Variants in EXOC4 observed in about 807,000 individuals in gnomAD.
EXOC4 encodes exocyst complex component 4, also known as SEC8-like 1.
EXOC4 carries 71 observed loss-of-function variants against 107.2 expected under a neutral mutation model. That is an observed-to-expected ratio of 0.66 (90% CI 0.55 to 0.81). The LOEUF (loss-of-function observed/expected upper bound fraction) is 0.81. EXOC4 is among the 30% of genes least tolerant of loss of function. EXOC4 has a pLI of 0.00. For missense variants in EXOC4, 1,108 were observed against 1,189.6 expected (o/e 0.93, Z 1.01); for synonymous variants, 456 against 441.2 (o/e 1.03, Z -0.42).
At chr7:133,422,065 A>C (rs1192925879) in intron 7 of EXOC4, among the ~76,000 whole-genome samples, 1 of 152,194 alleles carries the variant, frequency 6.6e-6, no homozygotes, top group Admixed American at 6.5e-5. Flanking sequence ...AAGGTGATTA[A>C]AAATTTCATT....
intron 17 of EXOC4, among the ~76,000 whole-genome samples, chr7:134,023,240 G>A (rs574043839): frequency 8.5e-5 from 13 of 152,188 alleles, no homozygotes; most frequent in Non-Finnish European, 1.5e-4. Context: ...TATATATTTT[G>A]CTGTATTCTG....
intron 10 of EXOC4, among the ~76,000 whole-genome samples, chr7:133,739,341 T>C (rs570076975): frequency 6.6e-6 from 1 of 152,142 alleles, no homozygotes; most frequent in Non-Finnish European, 1.5e-5. Context: ...AAGATTTTTG[T>C]CTTCTCAACT....
chr7:133,325,079 C>G (rs1034351241), intron 5 of EXOC4, among the ~76,000 whole-genome samples: 8 of 152,300 alleles, frequency 5.3e-5, no homozygotes, highest in Non-Finnish European at 7.4e-5. Flanking sequence ...TTTCCTCCAT[C>G]CCTCTATTTT....
At chr7:133,500,780 T>G (rs1799560740) in intron 9 of EXOC4, among the ~76,000 whole-genome samples, 1 of 152,224 alleles carries the variant, frequency 6.6e-6, no homozygotes, top group South Asian at 2.1e-4. Flanking sequence ...GTCAGTTCTT[T>G]TAATTTTAGA....
chr7:133,423,802 A>G (rs2150763341), intron 7 of EXOC4, among the ~76,000 whole-genome samples: 1 of 151,962 alleles, frequency 6.6e-6, no homozygotes, highest in South Asian at 2.1e-4. Flanking sequence ...CCGGCACGGG[A>G]TCTGGGTGGG....
chr7:133,904,682 A>T (rs113003626), intron 12 of EXOC4, among the ~76,000 whole-genome samples: 1 of 152,204 alleles, frequency 6.6e-6, no homozygotes, highest in African/African-American at 2.4e-5. Flanking sequence ...GGATTGGGAA[A>T]AGTATTCTTT....
intron 9 of EXOC4, among the ~76,000 whole-genome samples, chr7:133,488,013 G>T (rs893415464): frequency 1.3e-5 from 2 of 151,966 alleles, no homozygotes; most frequent in Admixed American, 6.6e-5. Flanking sequence ...TATGGCATAT[G>T]GTAAAGAAAG....
chr7:133,408,151 A>C (rs1563054509), intron 7 of EXOC4, among the ~76,000 whole-genome samples: 3 of 149,476 alleles, frequency 2.0e-5, no homozygotes, highest in Middle Eastern at 6.9e-3. Flanking sequence ...TGGTGCTGGT[A>C]GTGGAGGAGG....
rs1344735460 is a variant in EXOC4 at position 133,538,957 on chromosome 7, G to GT, written c.1417+58819_1417+58820insT. ...TACACTTAGCTCTGTGAAATAGCTT[G>GT]GGTTTTTTTTTTCTTAGTCTTCTTT... On this transcript the variant is annotated intron_variant, in intron 9 of 17. Coordinates refer to ENST00000253861, the MANE Select transcript of EXOC4 (RefSeq NM_021807.4). 9.2e-4 allele frequency among the ~76,000 whole-genome samples: 3 copies of GT among 3,248 alleles called. No homozygotes were observed. The East Asian group carries it at 0.068, about 74-fold the overall frequency. The allele number at this position is 3,248 out of a possible 152,430, so 2.1% of individuals were successfully genotyped here.
chr7:133,668,264 G>A (rs1333463706), intron 10 of EXOC4, among the ~76,000 whole-genome samples: 1 of 152,194 alleles, frequency 6.6e-6, no homozygotes, highest in African/African-American at 2.4e-5. Context: ...TTCCAGAAAT[G>A]TAAGTCCAAT....
chr7:134,052,112 T>C (rs1339728700), intron 17 of EXOC4, among the ~76,000 whole-genome samples: 1 of 152,210 alleles, frequency 6.6e-6, no homozygotes, highest in African/African-American at 2.4e-5. Flanking sequence ...GACGACCCTT[T>C]TCATAGACAC....
intron 4 of EXOC4, among the ~76,000 whole-genome samples, chr7:133,309,810 C>T (rs950555157): frequency 1.1e-4 from 16 of 151,988 alleles, no homozygotes; most frequent in African/African-American, 3.4e-4. Flanking sequence ...CATGGTGGTA[C>T]GTGCCTGTAG....
intron 17 of EXOC4, among the ~76,000 whole-genome samples, chr7:134,056,488 GC>G (rs1393230448): frequency 6.6e-6 from 1 of 152,172 alleles, no homozygotes; most frequent in East Asian, 1.9e-4. Context: ...ACAGAAATGT[GC>G]CTGATCAATA....
intron 10 of EXOC4, among the ~76,000 whole-genome samples, chr7:133,816,376 A>G (rs1018125016): frequency 2.6e-5 from 4 of 152,216 alleles, no homozygotes; most frequent in African/African-American, 7.2e-5. Context: ...TAATAAATCT[A>G]TACTCATCTC....
chr7:133,370,089 G>T (rs950677444), intron 6 of EXOC4, among the ~76,000 whole-genome samples: 1 of 151,874 alleles, frequency 6.6e-6, no homozygotes, highest in Non-Finnish European at 1.5e-5. Flanking sequence ...ACTGTGCCTG[G>T]CCTCCTTCCA....
At chr7:133,657,258 A>G (rs1803321551) in intron 10 of EXOC4, among the ~76,000 whole-genome samples, 1 of 152,134 alleles carries the variant, frequency 6.6e-6, no homozygotes, top group Non-Finnish European at 1.5e-5. Context: ...ATTCACAGCT[A>G]CTATTAAGAA....
intron 10 of EXOC4, among the ~76,000 whole-genome samples, chr7:133,683,289 T>C (rs1267771520): frequency 1.3e-5 from 2 of 152,198 alleles, no homozygotes; most frequent in South Asian, 4.1e-4. Context: ...AAGATAGCAC[T>C]CCTTGTTTGC....
chr7:134,049,691 C>G (rs1795736312), intron 17 of EXOC4, among the ~76,000 whole-genome samples: 1 of 152,200 alleles, frequency 6.6e-6, no homozygotes, highest in South Asian at 2.1e-4. Context: ...CAGTGCCTGG[C>G]TACTTTCACA....
intron 17 of EXOC4, among the ~76,000 whole-genome samples, chr7:134,062,465 C>A (rs189385496): frequency 6.6e-6 from 1 of 152,086 alleles, no homozygotes; most frequent in Admixed American, 6.6e-5. Flanking sequence ...CAAAATGTTC[C>A]TGATGAGAAA....
Sources: gnomAD v4.1 joint callset for allele counts (sites outside exome capture counted in the v4.1 genomes callset) on GRCh38, gnomAD v4.1.1 for gene constraint, MANE v1.5 for transcripts, NCBI Gene and HGNC (gene_info 2026-07-23, HGNC 2026-07-21) for gene names.